KCTD16: variants seen among roughly 807,000 people sequenced by gnomAD.
KCTD16 encodes the protein BTB/POZ domain-containing protein KCTD16.
Under a neutral mutation model 33.2 loss-of-function variants are expected in KCTD16, and 13 were observed. The ratio of observed to expected loss-of-function variants is 0.39; its 90% CI spans 0.25 to 0.62. The LOEUF (loss-of-function observed/expected upper bound fraction) is 0.62. KCTD16 is among the 20% of genes least tolerant of loss of function. The pLI is 0.50. For synonymous variants in KCTD16, 197 were observed against 195.3 expected, an observed-to-expected ratio of 1.01 and a Z score of -0.07; for missense variants, 441 against 525.1, an observed-to-expected ratio of 0.84 and a Z score of 1.57.
Position 144,180,986 on chromosome 5 carries a change from G to A in KCTD16, c.-327+6514G>A, listed in dbSNP as rs531859271. Among the ~76,000 whole-genome samples the A allele has an allele frequency of 2.4e-3, 355 of 151,018 alleles. 1 individual carries two copies. Among genetic ancestry groups the A allele is most frequent in the Admixed American group, 7.8e-3 (118 of 15,166 alleles). On this transcript the variant is annotated intron_variant, in intron 2 of 3. Transcript: ENST00000512467. ...CTCGCTCTGTCGCCCAGGCTGGAGT[G>A]CAGTGGCGCGATCTCGGCTCACTGC...
At chr5:144,207,661 C>T in intron 3 of KCTD16, 115 bp downstream of exon 3, 1 of 815,886 alleles carries the variant, frequency 1.2e-6, no homozygotes. Context: ...CTTTTTAACT[C>T]TTGAGTTGTA....
At chr5:144,450,192 A>G (rs1753909483) in intron 3 of KCTD16, among the ~76,000 whole-genome samples, 1 of 152,036 alleles carries the variant, frequency 6.6e-6, no homozygotes, top group Non-Finnish European at 1.5e-5. Flanking sequence ...CCGGGTATAT[A>G]AAAAGGCACT....
intron 3 of KCTD16, among the ~76,000 whole-genome samples, chr5:144,260,608 C>T (rs921358577): frequency 6.6e-6 from 1 of 152,084 alleles, no homozygotes; most frequent in Non-Finnish European, 1.5e-5. Flanking sequence ...TTTATTGCTT[C>T]CTCCCAAAGA....
chr5:144,183,432 T>C (rs1433840330), intron 2 of KCTD16, among the ~76,000 whole-genome samples: 1 of 152,220 alleles, frequency 6.6e-6, no homozygotes, highest in African/African-American at 2.4e-5. Context: ...CTCCTTTTCG[T>C]CTCTACAATT....
intron 3 of KCTD16, among the ~76,000 whole-genome samples, chr5:144,268,737 A>G (rs1169490959): frequency 6.6e-6 from 1 of 152,188 alleles, no homozygotes; most frequent in Non-Finnish European, 1.5e-5. Context: ...AAAAAATTAA[A>G]CAACAGAAAC....
intron 2 of KCTD16, among the ~76,000 whole-genome samples, chr5:144,194,109 G>A (rs578255372): frequency 6.6e-6 from 1 of 152,206 alleles, no homozygotes; most frequent in East Asian, 1.9e-4. Flanking sequence ...AGTGAAGATG[G>A]TTCACCGAGA....
At chr5:144,433,320 G>C (rs1385952723) in intron 3 of KCTD16, among the ~76,000 whole-genome samples, 1 of 152,092 alleles carries the variant, frequency 6.6e-6, no homozygotes, top group Non-Finnish European at 1.5e-5. Context: ...GGTCATCCCT[G>C]GTGGCATGAG....
At chr5:144,299,072 A>ATTTTTT (rs1554085837) in intron 3 of KCTD16, among the ~76,000 whole-genome samples, 6 of 57,434 alleles carry the variant, frequency 1.0e-4, no homozygotes, top group South Asian at 9.1e-4. Context: ...ATATATATAT[A>ATTTTTT]TTTTTGTATA....
At chr5:144,304,908 A>T (rs1373623234) in intron 3 of KCTD16, among the ~76,000 whole-genome samples, 2 of 151,890 alleles carry the variant, frequency 1.3e-5, no homozygotes, top group Admixed American at 1.3e-4. Flanking sequence ...ATATCACAGA[A>T]CACTAGGGCC....
At chr5:144,223,945 GT>G (rs139406230) in intron 3 of KCTD16, among the ~76,000 whole-genome samples, 12 of 150,726 alleles carry the variant, frequency 8.0e-5, no homozygotes, top group South Asian at 2.1e-4. Context: ...CAGCGTAGGT[GT>G]TTTTTTTTAA....
intron 3 of KCTD16, among the ~76,000 whole-genome samples, chr5:144,251,671 C>T (rs937849730): frequency 1.3e-5 from 2 of 152,138 alleles, no homozygotes; most frequent in African/African-American, 2.4e-5. Context: ...TTTACGCAGT[C>T]ACCTTCTGAC....
intron 3 of KCTD16, among the ~76,000 whole-genome samples, chr5:144,449,458 A>T (rs1170681090): frequency 6.6e-6 from 1 of 152,038 alleles, no homozygotes; most frequent in African/African-American, 2.4e-5. Flanking sequence ...CTTGTGAAAG[A>T]ACAAAGTTGA....
At chr5:144,424,928 CTCCCACAAACTT>C (rs1753290858) in intron 3 of KCTD16, among the ~76,000 whole-genome samples, 1 of 152,146 alleles carries the variant, frequency 6.6e-6, no homozygotes, top group Non-Finnish European at 1.5e-5. Flanking sequence ...CCATCTCTGG[CTCCCACAAACTT>C]ATGTCCTCAC....
intron 3 of KCTD16, among the ~76,000 whole-genome samples, chr5:144,260,079 G>A (rs1754964139): frequency 6.6e-6 from 1 of 152,188 alleles, no homozygotes; most frequent in African/African-American, 2.4e-5. Context: ...CAAAAGCTAA[G>A]CAAACTTTGG....
At chr5:144,230,685 T>C (rs762237469) in intron 3 of KCTD16, among the ~76,000 whole-genome samples, 2 of 152,140 alleles carry the variant, frequency 1.3e-5, no homozygotes, top group Non-Finnish European at 2.9e-5. Context: ...TATTTATACA[T>C]GACTTCAGGG....
intron 3 of KCTD16, among the ~76,000 whole-genome samples, chr5:144,324,295 C>T (rs1481328437): frequency 6.6e-6 from 1 of 152,106 alleles, no homozygotes; most frequent in Admixed American, 6.6e-5. Flanking sequence ...ATTCTATTTA[C>T]CAGCAGTAAC....
intron 3 of KCTD16, among the ~76,000 whole-genome samples, chr5:144,407,454 T>A (rs967333828): frequency 6.6e-6 from 1 of 151,870 alleles, no homozygotes; most frequent in African/African-American, 2.4e-5. Flanking sequence ...ATAATGGGGG[T>A]TTAGCGTACA....
At chr5:144,349,135 A>G (rs564025045) in intron 3 of KCTD16, among the ~76,000 whole-genome samples, 39 of 152,346 alleles carry the variant, frequency 2.6e-4, no homozygotes, top group African/African-American at 9.1e-4. Context: ...AGAATAAAAC[A>G]AAATGTTTTA....
At chr5:144,453,416 C>T (rs1753991122) in intron 3 of KCTD16, among the ~76,000 whole-genome samples, 1 of 152,042 alleles carries the variant, frequency 6.6e-6, no homozygotes, top group Non-Finnish European at 1.5e-5. Context: ...TTCAGTGTCT[C>T]CTTAACACTT....
Sources: gnomAD v4.1 joint callset for allele counts (sites outside exome capture counted in the v4.1 genomes callset) on GRCh38, gnomAD v4.1.1 for gene constraint, MANE v1.5 for transcripts, NCBI Gene and HGNC (gene_info 2026-07-23, HGNC 2026-07-21) for gene names.